TIPARP: variants seen among roughly 807,000 people sequenced by gnomAD.
TIPARP encodes protein mono-ADP-ribosyltransferase TIPARP.
Under a neutral mutation model 56.5 loss-of-function variants are expected in TIPARP, and 12 were observed. The observed-to-expected ratio is 0.21, with a 90% CI of 0.14 to 0.34. The LOEUF (loss-of-function observed/expected upper bound fraction) is 0.34, where lower values mean the gene tolerates loss of function less well. TIPARP is among the 10% of genes least tolerant of loss of function. TIPARP has a pLI of 1.00. For missense variants in TIPARP, 604 were observed against 781.6 expected (o/e 0.77, Z 2.71); for synonymous variants, 296 against 265.7 (o/e 1.11, Z -1.11).
chr3:156,693,067 T>C (rs1228954494), intron 2 of TIPARP, among the ~76,000 whole-genome samples: 1 of 152,194 alleles, frequency 6.6e-6, no homozygotes, highest in Non-Finnish European at 1.5e-5. Flanking sequence ...TAGACATCCA[T>C]TTAGAAATCT....
In TIPARP at chr3:156,678,174, C is replaced by T. The variant is rs200200707; in HGVS notation, c.477C>T (p.Phe159=). 3.2e-5 allele frequency: 51 copies of T among 1,614,140 alleles called. No individual in the cohort carries two copies. Among genetic ancestry groups the T allele is most frequent in the Non-Finnish European group, 4.2e-5 (50 of 1,180,044 alleles). ...GTVADSTPAH[F]QTDLLHPVSS... ...TGGCAGATTCCACACCAGCTCACTT[C>T]CAGACTGATCTTTTGCACCCAGTTT... is the stretch of plus-strand genomic sequence containing the variant. Residue 159 remains phenylalanine (F), a synonymous_variant, in exon 2 of 6, where the codon TTC becomes TTT. Coordinates refer to ENST00000295924, the MANE Select transcript of TIPARP (RefSeq NM_015508.5).
intron 4 of TIPARP, among the ~76,000 whole-genome samples, chr3:156,702,243 A>G (rs988666435): frequency 3.9e-5 from 6 of 152,212 alleles, no homozygotes; most frequent in Admixed American, 3.3e-4. Context: ...GGCCTGGCCT[A>G]GATTCAAATT....
At chr3:156,675,464 G>C (rs1722097606) in intron 1 of TIPARP, 2 of 152,546 alleles carry the variant, frequency 1.3e-5, no homozygotes, top group African/African-American at 4.8e-5. Flanking sequence ...AGGGAGGCCG[G>C]GGCGGGTCGT....
intron 4 of TIPARP, among the ~76,000 whole-genome samples, chr3:156,698,766 T>C (rs1008229615): frequency 5.9e-5 from 9 of 152,178 alleles, no homozygotes; most frequent in African/African-American, 2.2e-4. Context: ...ACCTCCTATT[T>C]TAACAGTATA....
chr3:156,688,940 A>G (rs1355023855), intron 2 of TIPARP, among the ~76,000 whole-genome samples: 14 of 152,126 alleles, frequency 9.2e-5, no homozygotes, highest in Non-Finnish European at 2.9e-5. Context: ...ACTTTACATC[A>G]TAATAATAAA....
chr3:156,681,510 A>G (rs2108487671), intron 2 of TIPARP, among the ~76,000 whole-genome samples: 1 of 152,356 alleles, frequency 6.6e-6, no homozygotes, highest in East Asian at 1.9e-4. Context: ...CAAACTGTAC[A>G]GATAAAATCT....
Position 156,677,731 on chromosome 3 carries a change from T to C in TIPARP, c.34T>C (p.Cys12Arg). The C allele has an allele frequency of 6.2e-7, 1 of 1,609,196 alleles. No individual in the cohort carries two copies. Among genetic ancestry groups the C allele is most frequent in the African/African-American group, 1.3e-5 (1 of 74,566 alleles). ...GGAAACCACCGAACCTGAGCCAGAC[T>C]GTGTAGTGCAGCCTCCCTCTCCTCC... is the stretch of plus-strand genomic sequence containing the variant. ...EMETTEPEPD[C>R]VVQPPSPPDD... The change falls in exon 2 of 6, where the codon TGT (cysteine) becomes CGT (arginine). Residue 12 changes from cysteine to arginine, a missense_variant. Physicochemically the swap from Cys to Arg is radical, Grantham distance 180. Around this residue, in one of 4 missense-constraint regions of TIPARP, gnomAD observed 261 missense variants for 279.2 expected, o/e 0.93. Transcript: ENST00000295924.
intron 2 of TIPARP, among the ~76,000 whole-genome samples, chr3:156,690,835 A>G (rs951144918): frequency 1.1e-4 from 17 of 152,152 alleles, no homozygotes; most frequent in African/African-American, 4.1e-4. Flanking sequence ...TTCATCCACA[A>G]GGATTATTGC....
At chr3:156,679,150 T>C (rs981533960) in intron 2 of TIPARP, among the ~76,000 whole-genome samples, 1 of 152,204 alleles carries the variant, frequency 6.6e-6, no homozygotes, top group Non-Finnish European at 1.5e-5. Flanking sequence ...CTTGGAACTT[T>C]TCACCATTAA....
intron 2 of TIPARP, among the ~76,000 whole-genome samples, chr3:156,686,076 C>T (rs1722420575): frequency 6.6e-6 from 1 of 152,064 alleles, no homozygotes; most frequent in Non-Finnish European, 1.5e-5. Context: ...ATTACTCATC[C>T]TAATAAAAGA....
chr3:156,685,623 G>A (rs193121187), intron 2 of TIPARP, among the ~76,000 whole-genome samples: 2 of 152,332 alleles, frequency 1.3e-5, no homozygotes. Context: ...AGTACTTCTG[G>A]TAATGATTAG....
chr3:156,704,843 C>A lies in TIPARP; in HGVS notation c.1686C>A (p.Gly562=). 1.2e-6 allele frequency: 2 copies of A among 1,614,202 alleles called. No homozygotes were observed. The highest frequency in any genetic ancestry group is 1.7e-6 in the Non-Finnish European group (2 of 1,180,036). Reference sequence around the variant, plus strand: ...AGCATGCTACAATGTTTGGACAAGGCAGTTATTTTGCAAAGAAGGCAAGCT... The same window carrying A: ...AGCATGCTACAATGTTTGGACAAGGAAGTTATTTTGCAAAGAAGGCAAGCT... ...CGKHATMFGQ[G]SYFAKKASYS... is the part of the protein sequence containing the mutation. The change falls in exon 6 of 6, where the codon GGC becomes GGA. Residue 562 remains glycine (G), a synonymous_variant. Coordinates refer to ENST00000295924, the MANE Select transcript of TIPARP (RefSeq NM_015508.5).
At chr3:156,677,356 A>G (rs140405204) in intron 1 of TIPARP, among the ~76,000 whole-genome samples, 89 of 152,282 alleles carry the variant, frequency 5.8e-4, no homozygotes, top group Non-Finnish European at 1.0e-3. Flanking sequence ...CTCTAACCTT[A>G]TAGTAGAAAT....
intron 4 of TIPARP, among the ~76,000 whole-genome samples, chr3:156,697,417 G>GC (rs1171736100): frequency 4.6e-5 from 4 of 86,664 alleles, no homozygotes; most frequent in African/African-American, 1.7e-4. Context: ...TATGGAATAT[G>GC]CCCTCTTTTT....
At chr3:156,682,184 G>A (rs972579236) in intron 2 of TIPARP, among the ~76,000 whole-genome samples, 2 of 152,198 alleles carry the variant, frequency 1.3e-5, no homozygotes, top group Non-Finnish European at 2.9e-5. Flanking sequence ...GGGACACACT[G>A]CAAACCTTAT....
intron 3 of TIPARP, 37 bp from the exon 4 acceptor site, chr3:156,695,826 CTT>C (rs10631452): frequency 1.6e-3 from 1,675 of 1,022,268 alleles, no homozygotes; most frequent in East Asian, 3.7e-3. Context: ...ATTAACTTTC[CTT>C]TTTTTTTTTT....
chr3:156,704,506 G>A (rs1404016745), intron 5 of TIPARP, among the ~76,000 whole-genome samples, 178 bp from the exon 6 acceptor site: 2 of 152,182 alleles, frequency 1.3e-5, no homozygotes, highest in East Asian at 3.8e-4. Context: ...GGAGAAAGAA[G>A]GAAAAGGCCT....
chr3:156,705,775 C>T lies in TIPARP; in HGVS notation c.*644C>T, dbSNP rs976395437. On this transcript the variant is annotated 3_prime_UTR_variant, in exon 6 of 6. Transcript: ENST00000295924. Reference sequence around the variant, plus strand: ...AGTTAAAACAACAACAAAAAACAACCATTTGAAAAATTTTTGTCACCAGCA... The same window carrying T: ...AGTTAAAACAACAACAAAAAACAACTATTTGAAAAATTTTTGTCACCAGCA... 11 of 152,598 alleles carry T rather than the reference C, an allele frequency of 7.2e-5. No individual in the cohort carries two copies. Among genetic ancestry groups the T allele is most frequent in the African/African-American group, 2.4e-4 (10 of 41,426 alleles). The allele number at this position is 152,598 out of a possible 1,614,324, so 9.5% of individuals were successfully genotyped here.
chr3:156,688,481 C>T (rs866525834), intron 2 of TIPARP, among the ~76,000 whole-genome samples: 3 of 91,580 alleles, frequency 3.3e-5, no homozygotes, highest in Admixed American at 1.2e-4. Flanking sequence ...GTTTTATTGC[C>T]GCCCCCCCCC....
Sources: allele counts gnomAD v4.1 joint callset (sites outside exome capture counted in the v4.1 genomes callset), GRCh38; gene constraint gnomAD v4.1.1; regional missense constraint gnomAD v4.1.1; transcripts MANE v1.5; gene names NCBI Gene and HGNC (gene_info 2026-07-23, HGNC 2026-07-21).